Variants in RREB1 observed in about 807,000 individuals in gnomAD.
RREB1 encodes the protein ras responsive element binding protein 1.
In RREB1, 27 loss-of-function variants were observed where a neutral mutation model predicts 117.8. That is an observed-to-expected ratio of 0.23 (90% CI 0.17 to 0.32). The LOEUF is 0.32. Ranked by LOEUF, RREB1 falls within the 10% of genes least tolerant of loss-of-function variation. RREB1 has a pLI of 1.00. For synonymous variants in RREB1, 1,298 were observed against 1,026.7 expected (o/e 1.26, Z -5.05); for missense variants, 2,577 against 2,378.2 (o/e 1.08, Z -1.74).
chr6:7,246,790 A>C lies in RREB1; in HGVS notation c.4340A>C (p.Lys1447Thr). The change falls in exon 12 of 13, where the codon AAG (lysine) becomes ACG (threonine). Residue 1447 changes from lysine (K) to threonine (T), a missense_variant. Physicochemically the swap from Lys to Thr is moderately conservative, Grantham distance 78. Transcript: ENST00000379938. ...GGGGGCGCGGCCTCGCAGGAGCAGA[A>C]GCTCGCCTGCGACACCTGTGGGAAG... is the stretch of plus-strand genomic sequence containing the variant. ...GAGGAASQEQ[K>T]LACDTCGKSF... is the part of the protein sequence containing the mutation. 6.4e-7 allele frequency: 1 copy of C among 1,551,894 alleles called. No homozygotes were observed. The highest frequency in any genetic ancestry group is 8.7e-7 in the Non-Finnish European group (1 of 1,148,976).
rs1334360642 is a variant in RREB1 at position 7,230,276 on chromosome 6, C to T, written c.2177C>T (p.Thr726Ile). ...CTGCGCAAGAAGCACCTCAAGGCCA[C>T]CCGCAAGGATATCGAGAAGAACATC... ...RHLRKKHLKA[T>I]RKDIEKNIEY... is the part of the protein sequence containing the mutation. The change falls in exon 10 of 13, where the codon ACC (threonine) becomes ATC (isoleucine). Residue 726 changes from threonine to isoleucine, a missense_variant. By Grantham distance (89) the Thr-to-Ile change is moderately conservative. Coordinates refer to ENST00000379938, the MANE Select transcript of RREB1 (RefSeq NM_001003699.4). 6.3e-7 allele frequency: 1 copy of T among 1,597,552 alleles called. No individual in the cohort carries two copies. The highest frequency in any genetic ancestry group is 1.3e-5 in the African/African-American group (1 of 74,912).
Position 7,229,529 on chromosome 6 carries a change from C to A in RREB1, c.1430C>A (p.Ala477Glu). Reference protein sequence around the residue: ...LADIQQILKMAASAPPQISLP... With the variant: ...LADIQQILKMEASAPPQISLP... ...GACATCCAGCAAATTCTGAAGATGG[C>A]AGCCTCGGCTCCCCCTCAGATCAGT... is the stretch of plus-strand genomic sequence containing the variant. The change falls in exon 10 of 13, where the codon GCA becomes GAA. Residue 477 changes from alanine (A) to glutamate (E), a missense_variant. Transcript: ENST00000379938. The surrounding 1 kb of genome is among the most constrained non-coding windows in gnomAD (Gnocchi z 4.5). 1 of 1,614,134 alleles carries A rather than the reference C, an allele frequency of 6.2e-7. No homozygotes were observed. Among genetic ancestry groups the A allele is most frequent in the Admixed American group, 1.7e-5 (1 of 60,030 alleles).
At chr6:7,116,126 A>G (rs1382208311) in intron 1 of RREB1, among the ~76,000 whole-genome samples, 1 of 152,206 alleles carries the variant, frequency 6.6e-6, no homozygotes, top group Non-Finnish European at 1.5e-5. Context: ...TTGCCTGCTT[A>G]AAAACATCTC....
At chr6:7,166,840 G>A (rs1016277806) in intron 1 of RREB1, among the ~76,000 whole-genome samples, 3 of 152,328 alleles carry the variant, frequency 2.0e-5, no homozygotes, top group African/African-American at 4.8e-5. Context: ...CGTTGCTGCT[G>A]CACCCTTTCC....
rs1248013321 is a variant in RREB1 at position 7,230,367 on chromosome 6, G to A, written c.2268G>A (p.Arg756=). 3.8e-6 allele frequency: 6 copies of A among 1,592,000 alleles called. No individual in the cohort carries two copies. Among genetic ancestry groups the A allele is most frequent in the Non-Finnish European group, 5.1e-6 (6 of 1,174,124 alleles). The change falls in exon 10 of 13, where the codon CGG becomes CGA. Residue 756 remains arginine (R), a synonymous_variant. Coordinates refer to ENST00000379938, the MANE Select transcript of RREB1 (RefSeq NM_001003699.4). ...TCTGCGCCCCGGACACCGTGTGCCGGCTGTGCGGCGAGGACCTCAAGCACT... is the reference window on the plus strand; with the variant it reads ...TCTGCGCCCCGGACACCGTGTGCCGACTGTGCGGCGAGGACCTCAAGCACT... The part of the protein sequence containing the change: ...DAFCAPDTVC[R]LCGEDLKHYR...
At chr6:7,181,775 C>T in intron 3 of RREB1, 95 bp from the exon 4 acceptor site, 2 of 865,250 alleles carry the variant, frequency 2.3e-6, no homozygotes, top group Non-Finnish European at 3.8e-6. Context: ...TGTTTTTGAC[C>T]TGAATTACAA....
chr6:7,204,936 T>C (rs1032310372), intron 6 of RREB1, among the ~76,000 whole-genome samples: 1 of 152,218 alleles, frequency 6.6e-6, no homozygotes, highest in African/African-American at 2.4e-5. Flanking sequence ...CCAAAGGATT[T>C]TGCCCCCAAA....
At chr6:7,154,756 G>A (rs9505049) in intron 1 of RREB1, among the ~76,000 whole-genome samples, 6,758 of 152,270 alleles carry the variant, frequency 0.044, 506 homozygotes, top group African/African-American at 0.15. Context: ...TAACTACCAT[G>A]CAATTCCGCT....
chr6:7,208,723 G>C lies in RREB1; in HGVS notation c.426-2081G>C, dbSNP rs550954874. On this transcript the variant is annotated intron_variant, in intron 6 of 12. Coordinates refer to ENST00000379938, the MANE Select transcript of RREB1 (RefSeq NM_001003699.4). The stretch of plus-strand genomic sequence containing the variant: ...GCAGTCCTTGAGCAAAACTGGAGGT[G>C]GGAATGTTCTATGCCTGAGCTGTGG... Among the ~76,000 whole-genome samples the C allele has an allele frequency of 3.7e-4, 57 of 152,204 alleles. 1 individual carries two copies. Among genetic ancestry groups the C allele is most frequent in the Admixed American group, 3.3e-3 (50 of 15,278 alleles).
At chr6:7,190,285 TTTTTG>T (rs1234609894) in intron 6 of RREB1, among the ~76,000 whole-genome samples, 2 of 152,176 alleles carry the variant, frequency 1.3e-5, no homozygotes, top group South Asian at 2.1e-4. Flanking sequence ...AATGAGATTT[TTTTTG>T]TTTTATTATT....
chr6:7,143,982 T>C (rs1762748056), intron 1 of RREB1, among the ~76,000 whole-genome samples: 1 of 151,808 alleles, frequency 6.6e-6, no homozygotes, highest in African/African-American at 2.4e-5. Flanking sequence ...TTTAATTTGC[T>C]CAAACTGTTG....
chr6:7,247,200 C>T lies in RREB1; in HGVS notation c.4750C>T (p.Arg1584Trp). The stretch of plus-strand genomic sequence containing the variant: ...GTTCTGGTCGCTGCAGGACCTGACC[C>T]GGCACATGCGCTCCCACACAGGTAA... Reference protein sequence around the residue: ...KRFWSLQDLTRHMRSHTGERP... With the variant: ...KRFWSLQDLTWHMRSHTGERP... The change falls in exon 12 of 13, where the codon CGG becomes TGG. Residue 1584 changes from arginine (R) to tryptophan (W), a missense_variant. By Grantham distance (101) the Arg-to-Trp change is moderately radical (BLOSUM62 -3). Transcript: ENST00000379938. 6.2e-7 allele frequency: 1 copy of T among 1,613,336 alleles called. No individual in the cohort carries two copies. The highest frequency in any genetic ancestry group is 8.5e-7 in the Non-Finnish European group (1 of 1,179,774).
chr6:7,153,413 T>TATACACACACACAC (rs374726514), intron 1 of RREB1, among the ~76,000 whole-genome samples: 1 of 145,724 alleles, frequency 6.9e-6, no homozygotes, highest in African/African-American at 2.6e-5. Context: ...AGTAGTGGTA[T>TATACACACACACAC]ACACACACAC....
chr6:7,148,392 C>T (rs1388376947), intron 1 of RREB1, among the ~76,000 whole-genome samples: 1 of 152,082 alleles, frequency 6.6e-6, no homozygotes, highest in African/African-American at 2.4e-5. Context: ...TGGCGGATTC[C>T]CATTGGGGGA....
chr6:7,238,658 T>C (rs1489079088), intron 10 of RREB1, among the ~76,000 whole-genome samples: 3 of 152,110 alleles, frequency 2.0e-5, no homozygotes, highest in Non-Finnish European at 2.9e-5. Context: ...CAGAATGATA[T>C]GAGGAGACCC....
chr6:7,249,058 G>GGTGT lies in RREB1; in HGVS notation c.*91_*92insTGTG. 1 of 763,546 alleles carries GGTGT rather than the reference G, an allele frequency of 1.3e-6. No homozygotes were observed. The highest frequency in any genetic ancestry group is 2.9e-5 in the East Asian group (1 of 34,580). 47.3% of individuals were successfully genotyped at this position (763,546 alleles called of 1,614,324 possible). On this transcript the variant is annotated 3_prime_UTR_variant, in exon 13 of 13. Transcript: ENST00000379938. ...TTCCTCAGTGCCCTTTGGCTGTTGA[G>GGTGT]GAGTGAGAGAGAGAGAGAGAGAGAG...
At chr6:7,109,888 T>C (rs766050293) in intron 1 of RREB1, among the ~76,000 whole-genome samples, 3 of 152,114 alleles carry the variant, frequency 2.0e-5, no homozygotes, top group Non-Finnish European at 4.4e-5. Context: ...AATAAAAAAA[T>C]ATAACGTTTT....
intron 1 of RREB1, among the ~76,000 whole-genome samples, chr6:7,111,061 G>C (rs1388360303): frequency 6.6e-6 from 1 of 152,170 alleles, no homozygotes; most frequent in Non-Finnish European, 1.5e-5. Flanking sequence ...TCTTCGGGCA[G>C]ACTCCCAAGG....
chr6:7,229,804 A>T lies in RREB1; in HGVS notation c.1705A>T (p.Thr569Ser). ...CCACCTGCTGCAGTCCAAGTCCGGG[A>T]CCCAGCCCCACGCGGCCACGCGGCT... ...NAHLLQSKSG[T>S]QPHAATRLSL... is the part of the protein sequence containing the mutation. Residue 569 changes from threonine (T) to serine (S), a missense_variant, in exon 10 of 13, where the codon ACC becomes TCC. Transcript: ENST00000379938. This position sits in a 1 kb window ranked among gnomAD's most constrained non-coding sequence, Gnocchi z 4.5. 3 of 1,610,628 alleles carry T rather than the reference A, an allele frequency of 1.9e-6. No individual in the cohort carries two copies. The highest frequency in any genetic ancestry group is 2.5e-6 in the Non-Finnish European group (3 of 1,178,634).
Sources: allele counts gnomAD v4.1 joint callset (sites outside exome capture counted in the v4.1 genomes callset), GRCh38; gene constraint gnomAD v4.1.1; non-coding constraint Gnocchi (gnomAD v3.1); transcripts MANE v1.5; gene names NCBI Gene and HGNC (gene_info 2026-07-23, HGNC 2026-07-21).